The following SLC44A1 variants were observed in gnomAD, a reference collection of about 807,000 sequenced individuals.
The protein encoded by SLC44A1 is solute carrier family 44 member 1, also known as choline transporter-like protein 1.
In SLC44A1, 26 loss-of-function variants were observed where a neutral mutation model predicts 79.3. The ratio of observed to expected loss-of-function variants is 0.33; its 90% CI spans 0.24 to 0.46. SLC44A1 has a LOEUF of 0.46. SLC44A1 is among the 20% of genes least tolerant of loss of function. The probability of loss-of-function intolerance (pLI) is 1.00; values close to 1 mark genes in which losing one functional copy is unlikely to be tolerated. For missense variants in SLC44A1, 688 were observed against 798.1 expected, an observed-to-expected ratio of 0.86 and a Z score of 1.66; for synonymous variants, 263 against 286.2, an observed-to-expected ratio of 0.92 and a Z score of 0.82.
At chr9:105,275,105 ATTT>A (rs1391917555) in intron 1 of SLC44A1, among the ~76,000 whole-genome samples, 2 of 152,150 alleles carry the variant, frequency 1.3e-5, no homozygotes, top group Non-Finnish European at 2.9e-5. Flanking sequence ...AAAATAATAA[ATTT>A]TTTTCTTCAG....
chr9:105,363,778 T>C (rs1827856947), intron 9 of SLC44A1, among the ~76,000 whole-genome samples: 1 of 152,244 alleles, frequency 6.6e-6, no homozygotes, highest in Non-Finnish European at 1.5e-5. Flanking sequence ...ATTCATGATT[T>C]TTTAGAACAT....
intron 3 of SLC44A1, among the ~76,000 whole-genome samples, chr9:105,326,572 T>A (rs1384356498): frequency 1.3e-5 from 2 of 152,208 alleles, no homozygotes; most frequent in Non-Finnish European, 2.9e-5. Context: ...GTTAGTATCT[T>A]CTTTGGCTCT....
chr9:105,362,255 A>G (rs1234770785), intron 8 of SLC44A1, among the ~76,000 whole-genome samples: 2 of 152,224 alleles, frequency 1.3e-5, no homozygotes, highest in African/African-American at 4.8e-5. Context: ...CATCAGAAAC[A>G]AAAAATAAAG....
At chr9:105,380,827 C>T (rs1044960930) in intron 13 of SLC44A1, among the ~76,000 whole-genome samples, 1 of 152,160 alleles carries the variant, frequency 6.6e-6, no homozygotes, top group Admixed American at 6.5e-5. Context: ...ATGCAAACTA[C>T]TGGGCTTTAT....
intron 3 of SLC44A1, among the ~76,000 whole-genome samples, chr9:105,321,041 C>T (rs1826377674): frequency 6.6e-6 from 1 of 152,086 alleles, no homozygotes; most frequent in Non-Finnish European, 1.5e-5. Flanking sequence ...TTAGTGACAT[C>T]TTTTGATGAG....
At chr9:105,307,661 T>G (rs1242070928) in intron 2 of SLC44A1, among the ~76,000 whole-genome samples, 5 of 144,788 alleles carry the variant, frequency 3.5e-5, no homozygotes, top group African/African-American at 1.3e-4. Context: ...AAAAAAAAAA[T>G]GTGTTGGAAA....
chr9:105,421,834 G>A (rs1564058799), intron 15 of SLC44A1, among the ~76,000 whole-genome samples: 2 of 152,032 alleles, frequency 1.3e-5, no homozygotes, highest in South Asian at 4.1e-4. Context: ...TGATCCACCC[G>A]CCTCGGCCTC....
chr9:105,389,661 C>CCAA lies in SLC44A1; in HGVS notation c.*608_*610dup, dbSNP rs1299135032. Reference sequence around the variant, plus strand: ...TCATAATAGTTCATACATTTGTCAGCCAACATTAAAAGGTAACCAACTCCT... The same window carrying CCAA: ...TCATAATAGTTCATACATTTGTCAGCCAACAACATTAAAAGGTAACCAACTCCT... On this transcript the variant is annotated 3_prime_UTR_variant, in exon 16 of 16. Transcript: ENST00000374720. The CCAA allele has an allele frequency of 3.3e-6, 4 of 1,228,804 alleles. No homozygotes were observed. In the African/African-American group the frequency reaches 6.2e-5, roughly 19 times the overall value. The allele number at this position is 1,228,804 out of a possible 1,614,324, so 76.1% of individuals were successfully genotyped here. A position where few individuals can be genotyped will look rare whatever the true frequency, so the allele number is the denominator to read the frequency against.
intron 15 of SLC44A1, among the ~76,000 whole-genome samples, chr9:105,430,705 G>C (rs28456113): frequency 1.3e-5 from 2 of 151,948 alleles, no homozygotes; most frequent in Non-Finnish European, 2.9e-5. Flanking sequence ...GCACCTTTTC[G>C]CTATTCTGAA....
At chr9:105,256,527 T>C (rs1829710061) in intron 1 of SLC44A1, among the ~76,000 whole-genome samples, 5 of 151,612 alleles carry the variant, frequency 3.3e-5, no homozygotes, top group Admixed American at 3.3e-4. Flanking sequence ...TGTAAGCATA[T>C]GGCTTTCATT....
chr9:105,375,787 G>T (rs879480996), intron 13 of SLC44A1, among the ~76,000 whole-genome samples: 17 of 152,068 alleles, frequency 1.1e-4, no homozygotes, highest in Non-Finnish European at 2.1e-4. Flanking sequence ...AGATTTCATT[G>T]TATCTGAGTA....
At position 105,299,316 on chromosome 9, in the gene SLC44A1, A is replaced by G. The variant is rs16924420; in HGVS notation, c.126+7A>G. Reference sequence around the variant, plus strand: ...CCTCTTCTGCATTGGGATGGTAAGGAAACTCTCACAGATGGTCCAAACTGG... The same window carrying G: ...CCTCTTCTGCATTGGGATGGTAAGGGAACTCTCACAGATGGTCCAAACTGG... On this transcript the variant is annotated splice_region_variant and intron_variant, in intron 2 of 15. Coordinates refer to ENST00000374720, the MANE Select transcript of SLC44A1 (RefSeq NM_080546.5). The G allele has an allele frequency of 4.3e-3, 6,665 of 1,565,826 alleles. 215 individuals carry two copies. The African/African-American group carries it at 0.077, about 18-fold the overall frequency.
chr9:105,379,821 A>C (rs893254890), intron 13 of SLC44A1, among the ~76,000 whole-genome samples: 1 of 152,176 alleles, frequency 6.6e-6, no homozygotes, highest in Admixed American at 6.5e-5. Flanking sequence ...CCTCAATCTC[A>C]AATTCCTTTG....
chr9:105,350,893 G>A (rs896670925), intron 5 of SLC44A1, among the ~76,000 whole-genome samples: 2 of 152,288 alleles, frequency 1.3e-5, no homozygotes, highest in African/African-American at 4.8e-5. Flanking sequence ...ACCTGTTTTA[G>A]AGAAAAGCAA....
intron 15 of SLC44A1, among the ~76,000 whole-genome samples, chr9:105,419,839 G>A (rs539368991): frequency 5.3e-5 from 8 of 151,104 alleles, no homozygotes; most frequent in Middle Eastern, 3.4e-3. Flanking sequence ...ACTTGAACCC[G>A]GGAGTCAGAG....
At chr9:105,421,545 C>T (rs899110303) in intron 15 of SLC44A1, among the ~76,000 whole-genome samples, 42 of 151,746 alleles carry the variant, frequency 2.8e-4, no homozygotes, top group African/African-American at 9.0e-4. Flanking sequence ...CACTCATAAT[C>T]CAATCTTGCA....
chr9:105,423,031 A>C (rs767101568), intron 15 of SLC44A1, among the ~76,000 whole-genome samples: 7 of 152,210 alleles, frequency 4.6e-5, no homozygotes, highest in Non-Finnish European at 1.0e-4. Context: ...ACAAAGGAAA[A>C]CTGGGACGGA....
rs1465450199 is a variant in SLC44A1 at position 105,361,229 on chromosome 9, A to G, written c.799A>G (p.Arg267Gly). The G allele has an allele frequency of 1.2e-6, 2 of 1,614,154 alleles. No individual in the cohort carries two copies. The highest frequency in any genetic ancestry group is 1.7e-6 in the Non-Finnish European group (2 of 1,179,992). ...GVLWWLYAKQ[R>G]RSPKETVTPE... is the part of the protein sequence containing the mutation. ...ACTATGGTGGCTGTATGCAAAGCAA[A>G]GAAGGTCTCCCAAAGAAACTGTTAC... Residue 267 changes from arginine (R) to glycine (G), a missense_variant, in exon 8 of 16, where the codon AGA becomes GGA. Coordinates refer to ENST00000374720, the MANE Select transcript of SLC44A1 (RefSeq NM_080546.5).
intron 15 of SLC44A1, among the ~76,000 whole-genome samples, chr9:105,412,718 C>T (rs1345678763): frequency 6.6e-6 from 1 of 152,158 alleles, no homozygotes; most frequent in Non-Finnish European, 1.5e-5. Context: ...TCTCCTGCCT[C>T]AGCCTCCCGA....
Sources: gnomAD v4.1 joint callset for allele counts (sites outside exome capture counted in the v4.1 genomes callset) on GRCh38, gnomAD v4.1.1 for gene constraint, MANE v1.5 for transcripts, NCBI Gene and HGNC (gene_info 2026-07-23, HGNC 2026-07-21) for gene names.